Variants in C12orf42 observed in about 807,000 individuals in gnomAD.
C12orf42 encodes the protein chromosome 12 open reading frame 42.
C12orf42 carries 25 observed loss-of-function variants against 21.6 expected under a neutral mutation model. That is an observed-to-expected ratio of 1.16 (90% CI 0.84 to 1.62). The LOEUF (loss-of-function observed/expected upper bound fraction) is 1.62, where lower values mean the gene tolerates loss of function less well. C12orf42 is among the 40% of genes most tolerant of loss of function. The pLI, the probability that C12orf42 is intolerant of heterozygous loss-of-function variation, is 0.00. For synonymous variants in C12orf42, 174 were observed against 175.0 expected (o/e 0.99, Z 0.05); for missense variants, 483 against 459.3 (o/e 1.05, Z -0.47).
the C12orf42 span, among the ~76,000 whole-genome samples, chr12:103,210,639 C>CTTTTTTTTTTTTTT: frequency 1.1e-3 from 82 of 77,504 alleles, no homozygotes; most frequent in Non-Finnish European, 1.2e-3. Flanking sequence ...CCCTCTATTT[C>CTTTTTTTTTTTTTT]TTTTTTTTTT....
intron 3 of C12orf42, among the ~76,000 whole-genome samples, chr12:103,390,567 C>T (rs768823266): frequency 4.6e-5 from 7 of 152,050 alleles, no homozygotes; most frequent in Non-Finnish European, 7.4e-5. Flanking sequence ...GAAACAGAAC[C>T]GATAGGATAT....
At chr12:103,387,415 G>A (rs946193939) in intron 3 of C12orf42, among the ~76,000 whole-genome samples, 2 of 152,052 alleles carry the variant, frequency 1.3e-5, no homozygotes, top group Non-Finnish European at 2.9e-5. Context: ...ACATGCTCAC[G>A]CTTACTCCCC....
the C12orf42 span, among the ~76,000 whole-genome samples, chr12:103,143,863 A>G: frequency 6.6e-6 from 1 of 152,206 alleles, no homozygotes. Flanking sequence ...TTTATGTACA[A>G]TTGAACTGGA....
intron 2 of C12orf42, among the ~76,000 whole-genome samples, chr12:103,406,752 C>T (rs950637187): frequency 6.6e-5 from 10 of 151,972 alleles, no homozygotes; most frequent in Non-Finnish European, 1.3e-4. Flanking sequence ...CTCTCCCAGA[C>T]CTAAGGAGAA....
the C12orf42 span, among the ~76,000 whole-genome samples, chr12:103,229,640 T>C: frequency 6.6e-6 from 1 of 152,374 alleles, no homozygotes; most frequent in South Asian, 2.1e-4. Context: ...TCCCTTGTGT[T>C]TCCTTCCACA....
chr12:103,235,124 T>C (rs1221294534), downstream of C12orf42, among the ~76,000 whole-genome samples: 1 of 152,180 alleles, frequency 6.6e-6, no homozygotes, highest in Non-Finnish European at 1.5e-5. Flanking sequence ...ATGAATAGAC[T>C]TCCATAAATA....
At chr12:103,117,970 G>A in the C12orf42 span, among the ~76,000 whole-genome samples, 6 of 152,212 alleles carry the variant, frequency 3.9e-5, no homozygotes, top group Non-Finnish European at 7.3e-5. Context: ...GATAATTTAT[G>A]TAAAAATGCT....
At chr12:103,482,805 T>G (rs1261972144) in intron 1 of C12orf42, among the ~76,000 whole-genome samples, 25 of 152,116 alleles carry the variant, frequency 1.6e-4, no homozygotes, top group Admixed American at 1.6e-3. Context: ...TTTTCTTTTT[T>G]GTCTCCCATC....
At chr12:103,286,427 G>C (rs2036465292) in intron 4 of C12orf42, among the ~76,000 whole-genome samples, 2 of 151,546 alleles carry the variant, frequency 1.3e-5, no homozygotes, top group African/African-American at 4.8e-5. Flanking sequence ...CTTATTTTAA[G>C]ACAGTCATGA....
At chr12:103,526,520 G>A in the C12orf42 span, among the ~76,000 whole-genome samples, 1 of 152,142 alleles carries the variant, frequency 6.6e-6, no homozygotes, top group Non-Finnish European at 1.5e-5. Flanking sequence ...TATATGATTA[G>A]TCCCATTTGC....
At chr12:103,448,307 G>T (rs1951707574) in intron 2 of C12orf42, among the ~76,000 whole-genome samples, 1 of 152,052 alleles carries the variant, frequency 6.6e-6, no homozygotes, top group African/African-American at 2.4e-5. Flanking sequence ...ATGGGTCAAA[G>T]ACTTAAATCT....
intron 4 of C12orf42, among the ~76,000 whole-genome samples, chr12:103,313,802 T>G (rs1401755829): frequency 1.3e-5 from 2 of 152,216 alleles, no homozygotes; most frequent in Non-Finnish European, 2.9e-5. Context: ...CATGCAGTGT[T>G]TGCCTCAGCT....
intron 3 of C12orf42, among the ~76,000 whole-genome samples, chr12:103,387,478 G>A (rs1463731683): frequency 6.6e-6 from 1 of 152,108 alleles, no homozygotes; most frequent in African/African-American, 2.4e-5. Context: ...TTCACTTTGT[G>A]TATTACCTGT....
chr12:103,267,355 G>C (rs530733722), downstream of C12orf42, among the ~76,000 whole-genome samples: 201 of 152,072 alleles, frequency 1.3e-3, no homozygotes, highest in African/African-American at 4.4e-3. Flanking sequence ...GTGTAGGCCA[G>C]GCACTATTCT....
chr12:103,437,106 C>A (rs1175989003), intron 2 of C12orf42, among the ~76,000 whole-genome samples: 1 of 151,800 alleles, frequency 6.6e-6, no homozygotes, highest in Admixed American at 6.6e-5. Flanking sequence ...GAATCTCGCT[C>A]AAAACCGCTC....
At chr12:103,327,958 C>T (rs1197291003) in intron 4 of C12orf42, among the ~76,000 whole-genome samples, 2 of 152,146 alleles carry the variant, frequency 1.3e-5, no homozygotes, top group African/African-American at 2.4e-5. Context: ...TGTTATTTTG[C>T]ACTGAAAATT....
downstream of C12orf42, among the ~76,000 whole-genome samples, chr12:103,266,321 A>G (rs1192171433): frequency 1.3e-5 from 2 of 152,182 alleles, no homozygotes; most frequent in Non-Finnish European, 2.9e-5. Context: ...CTGTATCTTT[A>G]TTTTAGAAAG....
the C12orf42 span, among the ~76,000 whole-genome samples, chr12:103,188,285 T>G: frequency 1.3e-5 from 2 of 152,238 alleles, no homozygotes; most frequent in Non-Finnish European, 2.9e-5. Context: ...CTTTCTTTCT[T>G]TTTTAATTTT....
chr12:103,122,519 T>C, the C12orf42 span, among the ~76,000 whole-genome samples: 1 of 151,190 alleles, frequency 6.6e-6, no homozygotes, highest in African/African-American at 2.4e-5. Context: ...TGATAGGGAG[T>C]GTTGGTATAG....
Sources: gnomAD v4.1 joint callset for allele counts (sites outside exome capture counted in the v4.1 genomes callset) on GRCh38, gnomAD v4.1.1 for gene constraint, MANE v1.5 for transcripts, NCBI Gene and HGNC (gene_info 2026-07-23, HGNC 2026-07-21) for gene names.